The following FAM110B variants were observed in gnomAD, a reference collection of about 807,000 sequenced individuals.
FAM110B encodes family with sequence similarity 110 member B, also known as protein FAM110B.
Under a neutral mutation model 20.4 loss-of-function variants are expected in FAM110B, and 6 were observed. The observed-to-expected ratio is 0.29, with a 90% CI of 0.16 to 0.58. The LOEUF (loss-of-function observed/expected upper bound fraction) is 0.58. Ranked by LOEUF, FAM110B falls within the 20% of genes least tolerant of loss-of-function variation. The pLI is 0.90. For missense variants in FAM110B, 434 were observed against 498.2 expected (o/e 0.87, Z 1.23); for synonymous variants, 226 against 214.1 (o/e 1.06, Z -0.49).
chr8:58,024,172 C>CTTTTTTTT lies in FAM110B; in HGVS notation c.-511-7426_-511-7419dup, dbSNP rs10651271. Reference sequence around the variant, plus strand: ...TAAATTTAATGAAACTTTCACTGTGCTTTTTTTTTTTTTTTGTAAAACCCA... The same window carrying CTTTTTTTT: ...TAAATTTAATGAAACTTTCACTGTGCTTTTTTTTTTTTTTTTTTTTTTTGTAAAACCCA... On this transcript the variant is annotated intron_variant, in intron 1 of 3. Coordinates refer to ENST00000519262, the MANE Select transcript of FAM110B (RefSeq NM_001377989.1). Among the ~76,000 whole-genome samples, 127 of 129,500 alleles carry CTTTTTTTT rather than the reference C, an allele frequency of 9.8e-4. 4 individuals carry two copies. The highest frequency in any genetic ancestry group is 3.4e-3 in the African/African-American group (118 of 35,006). 85.0% of individuals were successfully genotyped at this position (129,500 alleles called of 152,430 possible). A position where few individuals can be genotyped will look rare whatever the true frequency, so the allele number is the denominator to read the frequency against.
intron 2 of FAM110B, among the ~76,000 whole-genome samples, chr8:58,056,689 T>C (rs555789645): frequency 6.6e-6 from 1 of 152,306 alleles, no homozygotes; most frequent in Non-Finnish European, 1.5e-5. Context: ...TCTGTGAAAA[T>C]TTCAGCGTTT....
chr8:58,037,711 T>G (rs59034196), intron 2 of FAM110B, among the ~76,000 whole-genome samples: 2,353 of 152,318 alleles, frequency 0.015, 74 homozygotes, highest in African/African-American at 0.054. Context: ...TCACGAAAAG[T>G]ATTGTTCACA....
intron 3 of FAM110B, among the ~76,000 whole-genome samples, chr8:58,116,694 A>G (rs1049174746): frequency 5.9e-5 from 9 of 152,188 alleles, no homozygotes; most frequent in African/African-American, 1.2e-4. Flanking sequence ...TGGGAGTCCT[A>G]TTTCTCCCAG....
At chr8:58,068,474 T>G (rs1381989224) in intron 2 of FAM110B, among the ~76,000 whole-genome samples, 2 of 152,220 alleles carry the variant, frequency 1.3e-5, no homozygotes, top group Non-Finnish European at 2.9e-5. Context: ...ACACAAAGAT[T>G]GGAGGATGAA....
intron 3 of FAM110B, among the ~76,000 whole-genome samples, chr8:58,085,083 A>C (rs1264454507): frequency 6.6e-6 from 1 of 152,202 alleles, no homozygotes; most frequent in Non-Finnish European, 1.5e-5. Context: ...CAGGAGAAAA[A>C]GCAGGCTTCG....
At chr8:58,078,840 G>A (rs1368980372) in intron 3 of FAM110B, among the ~76,000 whole-genome samples, 4 of 151,830 alleles carry the variant, frequency 2.6e-5, no homozygotes, top group East Asian at 3.9e-4. Context: ...GTGAGCCACC[G>A]CGCCCGGCCA....
At chr8:58,118,501 C>A (rs903076947) in intron 3 of FAM110B, among the ~76,000 whole-genome samples, 4 of 152,198 alleles carry the variant, frequency 2.6e-5, no homozygotes, top group African/African-American at 9.7e-5. Flanking sequence ...TGGGAAGTTT[C>A]TTCAGACTAG....
chr8:58,010,666 G>A (rs1231472955), intron 1 of FAM110B, among the ~76,000 whole-genome samples: 1 of 152,204 alleles, frequency 6.6e-6, no homozygotes, highest in African/African-American at 2.4e-5. Context: ...CCCTGTGGTA[G>A]CGCACCATTA....
chr8:58,075,267 T>TGTGTGTGTGTGTG (rs1554521043), intron 2 of FAM110B, among the ~76,000 whole-genome samples: 2,081 of 134,170 alleles, frequency 0.016, 24 homozygotes, highest in African/African-American at 0.038. Flanking sequence ...TTTTGCTTTT[T>TGTGTGTGTGTGTG]TTTTTTTTTG....
At chr8:58,137,474 T>C (rs974506731) in intron 3 of FAM110B, among the ~76,000 whole-genome samples, 5 of 152,036 alleles carry the variant, frequency 3.3e-5, no homozygotes, top group African/African-American at 9.7e-5. Context: ...GACAGGAGAA[T>C]CATTTGAAAT....
intron 3 of FAM110B, among the ~76,000 whole-genome samples, chr8:58,121,106 T>G (rs1186010810): frequency 6.6e-6 from 1 of 152,160 alleles, no homozygotes; most frequent in African/African-American, 2.4e-5. Flanking sequence ...CAGTGGCAAG[T>G]TCATGCAGAA....
At chr8:58,111,509 A>G (rs930184483) in intron 3 of FAM110B, among the ~76,000 whole-genome samples, 1 of 152,250 alleles carries the variant, frequency 6.6e-6, no homozygotes, top group Non-Finnish European at 1.5e-5. Context: ...ATGTGGGAAC[A>G]CTGGAAGTCT....
intron 1 of FAM110B, among the ~76,000 whole-genome samples, chr8:58,018,005 G>A (rs1481009775): frequency 2.0e-5 from 3 of 152,130 alleles, no homozygotes; most frequent in Admixed American, 6.5e-5. Flanking sequence ...CTCTTCACGT[G>A]TATTGGGTCA....
intron 2 of FAM110B, among the ~76,000 whole-genome samples, chr8:58,062,171 C>A (rs1805670049): frequency 1.3e-5 from 2 of 152,030 alleles, no homozygotes; most frequent in South Asian, 4.1e-4. Context: ...TGTTTCTTTG[C>A]TATAAAAGAA....
chr8:58,146,536 C>A lies in FAM110B; in HGVS notation c.306C>A (p.Gly102=), dbSNP rs748440229. ...ALGSPTLKVF[G]NHAKTESGVQ... Reference sequence around the variant, plus strand: ...GCAGCCCCACGCTCAAAGTGTTCGGCAACCACGCCAAGACCGAGAGCGGCG... The same window carrying A: ...GCAGCCCCACGCTCAAAGTGTTCGGAAACCACGCCAAGACCGAGAGCGGCG... Residue 102 remains glycine, a synonymous_variant, in exon 4 of 4, where the codon GGC becomes GGA. Transcript: ENST00000519262. 6.8e-6 allele frequency: 11 copies of A among 1,613,884 alleles called. No homozygotes were observed. The highest frequency in any genetic ancestry group is 1.3e-5 in the African/African-American group (1 of 74,936).
intron 2 of FAM110B, among the ~76,000 whole-genome samples, chr8:58,047,844 G>A (rs1054477158): frequency 6.6e-6 from 1 of 151,970 alleles, no homozygotes; most frequent in Non-Finnish European, 1.5e-5. Flanking sequence ...GCTTCTTTAT[G>A]TAGGAGTTAG....
rs1803741545 is a variant in FAM110B, at chr8:58,141,488, C to A, written c.-324-4419C>A. Among the ~76,000 whole-genome samples, 3 of 152,194 alleles carry A rather than the reference C, an allele frequency of 2.0e-5. No homozygotes were observed. The South Asian group carries it at 6.2e-4, about 32-fold the overall frequency. On this transcript the variant is annotated intron_variant, in intron 3 of 3. Transcript: ENST00000519262. ...CTCAGCCTTGCTCTTTCAATACCCC[C>A]CTTTTCCTGCTGTGAGACACAGGGG...
chr8:58,085,319 C>T (rs1172330262), intron 3 of FAM110B, among the ~76,000 whole-genome samples: 2 of 152,110 alleles, frequency 1.3e-5, no homozygotes, highest in African/African-American at 2.4e-5. Context: ...TAAAGACTAG[C>T]CTGGCCAATA....
chr8:58,123,123 G>C (rs575959620), intron 3 of FAM110B, among the ~76,000 whole-genome samples: 1 of 152,284 alleles, frequency 6.6e-6, no homozygotes, highest in Non-Finnish European at 1.5e-5. Flanking sequence ...TAGTCCTCCT[G>C]CTATCAAACT....
Sources: allele counts gnomAD v4.1 joint callset (sites outside exome capture counted in the v4.1 genomes callset), GRCh38; gene constraint gnomAD v4.1.1; transcripts MANE v1.5; gene names NCBI Gene and HGNC (gene_info 2026-07-23, HGNC 2026-07-21).